Variants in SVOPL observed in about 807,000 individuals in gnomAD.
The protein encoded by SVOPL is SVOP like.
A neutral mutation model predicts 61.0 loss-of-function variants in SVOPL; 60 were observed. The ratio of observed to expected loss-of-function variants is 0.98; its 90% CI spans 0.80 to 1.22. SVOPL has a LOEUF of 1.22. Among genes scored for constraint, SVOPL ranks in the 50% most tolerant of loss-of-function variants. The pLI is 0.00. For synonymous variants in SVOPL, 279 were observed against 250.0 expected (o/e 1.12, Z -1.09); for missense variants, 662 against 643.9 (o/e 1.03, Z -0.30).
In SVOPL at chr7:138,609,718, T is replaced by TGG. The variant is rs1563085993; in HGVS notation, c.1353+11327_1353+11328insCC. ...AAGGATGCTCATTACTGTTTTTTTT[T>TGG]TGGGGGGGGTGGGGGCGTTGGGGGT... On this transcript the variant is annotated intron_variant, in intron 14 of 15. Coordinates refer to ENST00000674285, the MANE Select transcript of SVOPL (RefSeq NM_001139456.2). Among the ~76,000 whole-genome samples, 158 of 125,818 alleles carry TGG rather than the reference T, an allele frequency of 1.3e-3. 2 individuals carry two copies. Among genetic ancestry groups the TGG allele is most frequent in the African/African-American group, 4.1e-3 (148 of 35,692 alleles). 82.5% of individuals were successfully genotyped at this position (125,818 alleles called of 152,430 possible).
intron 5 of SVOPL, chr7:138,661,126 A>G (rs1584850691): frequency 5.1e-6 from 5 of 985,376 alleles, no homozygotes; most frequent in African/African-American, 3.5e-5. Flanking sequence ...AGCCAATTCT[A>G]CTAATGTTTT....
At chr7:138,676,535 G>C (rs995793418) in intron 3 of SVOPL, among the ~76,000 whole-genome samples, 1 of 147,026 alleles carries the variant, frequency 6.8e-6, no homozygotes, top group Non-Finnish European at 1.5e-5. Flanking sequence ...TCCCATTCAC[G>C]AGGGAGGAGT....
rs1212680654 is a variant in SVOPL at position 138,662,677 on chromosome 7, CCT to C, written c.345+395_345+396del. 27 of 1,021,640 alleles carry C rather than the reference CCT, an allele frequency of 2.6e-5. No individual in the cohort carries two copies. The African/African-American group carries it at 3.9e-4, about 15-fold the overall frequency. 63.3% of individuals were successfully genotyped at this position (1,021,640 alleles called of 1,614,324 possible). On this transcript the variant is annotated intron_variant, in intron 5 of 15. Transcript: ENST00000674285. ...GATGTGTGCCCCCACTGATATCAGACCTCTGTTCTCAACACCACCACAGTAAA... is the reference window on the plus strand; with the variant it reads ...GATGTGTGCCCCCACTGATATCAGACCTGTTCTCAACACCACCACAGTAAA...
intron 1 of SVOPL, among the ~76,000 whole-genome samples, chr7:138,693,659 G>A (rs757826701): frequency 6.6e-6 from 1 of 151,298 alleles, no homozygotes; most frequent in African/African-American, 2.4e-5. Context: ...AAAAGAAAGA[G>A]AGAGGGAGGG....
chr7:138,615,774 G>C (rs921450689), intron 14 of SVOPL, among the ~76,000 whole-genome samples: 2 of 146,996 alleles, frequency 1.4e-5, no homozygotes, highest in African/African-American at 4.9e-5. Flanking sequence ...CAGCCTGGGC[G>C]ACAGAGTGAG....
At chr7:138,655,499 C>A (rs1584842731) in intron 7 of SVOPL, among the ~76,000 whole-genome samples, 1 of 151,926 alleles carries the variant, frequency 6.6e-6, no homozygotes, top group East Asian at 1.9e-4. Flanking sequence ...GAGCGAAACT[C>A]CATTTCAAAA....
At chr7:138,700,151 T>A (rs1803158639) in intron 1 of SVOPL, among the ~76,000 whole-genome samples, 2 of 152,062 alleles carry the variant, frequency 1.3e-5, no homozygotes, top group Non-Finnish European at 2.9e-5. Context: ...AGCATATATA[T>A]GAAATGTATT....
At chr7:138,675,157 T>C (rs1802526925) in intron 3 of SVOPL, among the ~76,000 whole-genome samples, 1 of 151,618 alleles carries the variant, frequency 6.6e-6, no homozygotes, top group African/African-American at 2.4e-5. Context: ...TCCCAGCACT[T>C]TGGGAGGCCG....
At chr7:138,688,368 C>T (rs1165689970) in intron 1 of SVOPL, among the ~76,000 whole-genome samples, 1 of 151,760 alleles carries the variant, frequency 6.6e-6, no homozygotes, top group Non-Finnish European at 1.5e-5. Context: ...CTCCTGGGTT[C>T]AAGTGATTCT....
At chr7:138,612,448 A>AAAAAAAAAAAAAAAAAAAAAAT in intron 14 of SVOPL, among the ~76,000 whole-genome samples, 1 of 13,716 alleles carries the variant, frequency 7.3e-5, no homozygotes, top group African/African-American at 1.8e-4. Flanking sequence ...AAAAAAAAAT[A>AAAAAAAAAAAAAAAAAAAAAAT]AAAAAAAAAA....
rs1325432011 is a variant in SVOPL at position 138,659,923 on chromosome 7, G to A, written c.411C>T (p.Tyr137=). ...TCGTCCGCAGGAAGACAAACCAGAT[G>A]TACGAAGGAGCAAACGAGGTCAGCA... ...FSLLTSFAPS[Y]IWFVFLRTMV... is the part of the protein sequence containing the mutation. The change falls in exon 6 of 16, where the codon TAC becomes TAT. Residue 137 remains tyrosine (Y), a synonymous_variant. Transcript: ENST00000674285. 1 of 1,551,534 alleles carries A rather than the reference G, an allele frequency of 6.4e-7. No homozygotes were observed. The highest frequency in any genetic ancestry group is 2.4e-5 in the East Asian group (1 of 40,900).
chr7:138,696,479 A>G (rs891136909), intron 1 of SVOPL, among the ~76,000 whole-genome samples: 13 of 152,036 alleles, frequency 8.6e-5, no homozygotes, highest in Admixed American at 4.6e-4. Flanking sequence ...CTGGAATGCA[A>G]TGGTACAATC....
In SVOPL at chr7:138,621,842, C is replaced by G. The variant is rs1355676340; in HGVS notation, c.1264-707G>C. ...TCTATGTATCTATGTATCTATCTAT[C>G]TATGTATCTATCTATCTATCTATCT... On this transcript the variant is annotated intron_variant, in intron 13 of 15. Transcript: ENST00000674285. Among the ~76,000 whole-genome samples the G allele has an allele frequency of 8.6e-3, 852 of 99,248 alleles. 107 individuals are homozygous for G. The highest frequency in any genetic ancestry group is 0.032 in the East Asian group (94 of 2,900). The allele number at this position is 99,248 out of a possible 152,430, so 65.1% of individuals were successfully genotyped here. A position where few individuals can be genotyped will look rare whatever the true frequency, so the allele number is the denominator to read the frequency against.
intron 4 of SVOPL, among the ~76,000 whole-genome samples, chr7:138,671,508 T>C (rs1802416249): frequency 1.3e-5 from 2 of 151,974 alleles, no homozygotes; most frequent in African/African-American, 4.8e-5. Flanking sequence ...CCACCACATC[T>C]TGCTAATTTT....
intron 7 of SVOPL, 145 bp downstream of exon 7, chr7:138,656,303 A>G (rs983323900): frequency 3.7e-6 from 3 of 809,296 alleles, no homozygotes; most frequent in Non-Finnish European, 6.0e-6. Context: ...TGAGAAACCA[A>G]AAAGGTTGTG....
chr7:138,667,934 G>C (rs922184619), intron 4 of SVOPL, among the ~76,000 whole-genome samples: 3 of 152,148 alleles, frequency 2.0e-5, no homozygotes, highest in Non-Finnish European at 4.4e-5. Context: ...TCTTGGCTAG[G>C]ACTAGACTGC....
At chr7:138,661,012 T>C in intron 5 of SVOPL, 1 of 983,096 alleles carries the variant, frequency 1.0e-6, no homozygotes. Context: ...TTCTTGATAA[T>C]TTGTATTTCT....
At chr7:138,615,194 T>C (rs1474433203) in intron 14 of SVOPL, among the ~76,000 whole-genome samples, 1 of 152,044 alleles carries the variant, frequency 6.6e-6, no homozygotes, top group Non-Finnish European at 1.5e-5. Context: ...CACAGTTGGA[T>C]GTGGGGCCTT....
chr7:138,654,061 A>G (rs1384290846), intron 7 of SVOPL, among the ~76,000 whole-genome samples: 1 of 151,554 alleles, frequency 6.6e-6, no homozygotes, highest in African/African-American at 2.4e-5. Flanking sequence ...TGAACCCAGG[A>G]GGCAGATGTT....
Sources: allele counts gnomAD v4.1 joint callset (sites outside exome capture counted in the v4.1 genomes callset), GRCh38; gene constraint gnomAD v4.1.1; transcripts MANE v1.5; gene names NCBI Gene and HGNC (gene_info 2026-07-23, HGNC 2026-07-21).